The following CLSTN2 variants were observed in gnomAD, a reference collection of about 807,000 sequenced individuals.
CLSTN2 encodes the protein calsyntenin-2.
In CLSTN2, 48 loss-of-function variants were observed where a neutral mutation model predicts 101.2. The observed-to-expected ratio is 0.47, with a 90% CI of 0.38 to 0.60. The LOEUF (loss-of-function observed/expected upper bound fraction) is 0.60. CLSTN2 is among the 20% of genes least tolerant of loss of function. The probability of loss-of-function intolerance (pLI) is 0.00; values close to 1 mark genes in which losing one functional copy is unlikely to be tolerated. For synonymous variants in CLSTN2, 481 were observed against 463.6 expected, an observed-to-expected ratio of 1.04 and a Z score of -0.48; for missense variants, 1,160 against 1,238.2, an observed-to-expected ratio of 0.94 and a Z score of 0.95.
intron 1 of CLSTN2, among the ~76,000 whole-genome samples, chr3:140,084,591 T>G (rs1164735613): frequency 6.6e-6 from 1 of 152,218 alleles, no homozygotes; most frequent in Non-Finnish European, 1.5e-5. Flanking sequence ...GTTGCTGTTT[T>G]ATGGTTATTT....
chr3:140,487,392 A>G (rs139118550), intron 8 of CLSTN2, among the ~76,000 whole-genome samples: 170 of 152,336 alleles, frequency 1.1e-3, no homozygotes, highest in African/African-American at 3.8e-3. Context: ...ACAGCCCAAT[A>G]GAGGCTTTCC....
chr3:140,099,191 C>T (rs1024291012), intron 1 of CLSTN2, among the ~76,000 whole-genome samples: 3 of 152,278 alleles, frequency 2.0e-5, no homozygotes, highest in South Asian at 2.1e-4. Context: ...ACTATATTAG[C>T]TTCCTAGGAC....
chr3:140,388,669 C>T (rs369648764), intron 2 of CLSTN2, among the ~76,000 whole-genome samples: 1 of 152,220 alleles, frequency 6.6e-6, no homozygotes, highest in Non-Finnish European at 1.5e-5. Context: ...GTGCTTCAGT[C>T]TCCTTCTCTG....
chr3:140,266,367 G>T (rs761924479), intron 2 of CLSTN2, among the ~76,000 whole-genome samples: 21 of 152,168 alleles, frequency 1.4e-4, no homozygotes, highest in Non-Finnish European at 3.1e-4. Context: ...AAACTTGAAA[G>T]AATTCATATT....
chr3:140,057,722 A>C (rs1201968757), intron 1 of CLSTN2, among the ~76,000 whole-genome samples: 4 of 152,222 alleles, frequency 2.6e-5, no homozygotes, highest in Admixed American at 2.0e-4. Context: ...TTCTTAAAAT[A>C]TGCCACCTCC....
At chr3:140,465,653 A>G (rs1933679252) in intron 7 of CLSTN2, among the ~76,000 whole-genome samples, 1 of 152,236 alleles carries the variant, frequency 6.6e-6, no homozygotes, top group Non-Finnish European at 1.5e-5. Flanking sequence ...AATTGGTAGC[A>G]GTATTCCATT....
intron 2 of CLSTN2, among the ~76,000 whole-genome samples, chr3:140,218,226 G>C (rs1312323825): frequency 6.6e-6 from 1 of 152,066 alleles, no homozygotes; most frequent in Admixed American, 6.6e-5. Context: ...GAGAGATTCT[G>C]GTATTTAGAA....
At chr3:139,991,219 C>T (rs559302736) in intron 1 of CLSTN2, among the ~76,000 whole-genome samples, 8 of 152,118 alleles carry the variant, frequency 5.3e-5, no homozygotes, top group East Asian at 1.9e-4. Context: ...CTATTTTATA[C>T]GTGGCTAATT....
intron 1 of CLSTN2, among the ~76,000 whole-genome samples, chr3:140,046,168 A>C (rs1240915787): frequency 1.3e-5 from 2 of 152,132 alleles, no homozygotes; most frequent in Non-Finnish European, 2.9e-5. Context: ...GTAGGTCTCT[A>C]AGGACTTGCT....
At chr3:140,092,902 C>T (rs555673621) in intron 1 of CLSTN2, among the ~76,000 whole-genome samples, 1 of 152,178 alleles carries the variant, frequency 6.6e-6, no homozygotes, top group Non-Finnish European at 1.5e-5. Context: ...GTTCTCCTCG[C>T]TAAGCATGCT....
chr3:140,538,344 C>A (rs1016892632), intron 9 of CLSTN2, among the ~76,000 whole-genome samples: 11 of 152,164 alleles, frequency 7.2e-5, no homozygotes, highest in African/African-American at 2.4e-4. Context: ...ACAAATAAGG[C>A]AGCAGGATGT....
At chr3:140,302,162 T>A (rs2087066965) in intron 2 of CLSTN2, among the ~76,000 whole-genome samples, 3 of 152,180 alleles carry the variant, frequency 2.0e-5, no homozygotes, top group African/African-American at 7.2e-5. Context: ...TTGGTTGGGT[T>A]TTGCTAGTTT....
At chr3:139,984,600 C>T (rs1263862412) in intron 1 of CLSTN2, among the ~76,000 whole-genome samples, 4 of 152,154 alleles carry the variant, frequency 2.6e-5, no homozygotes, top group Non-Finnish European at 2.9e-5. Flanking sequence ...TTACCTCCCA[C>T]ACCACTCTGT....
intron 2 of CLSTN2, among the ~76,000 whole-genome samples, chr3:140,294,583 G>A (rs1247330457): frequency 1.4e-5 from 2 of 142,778 alleles, no homozygotes; most frequent in African/African-American, 5.2e-5. Flanking sequence ...TTTTTTGCCT[G>A]TTGGGAAACA....
Position 140,563,179 on chromosome 3 carries a change from C to T in CLSTN2, c.2458C>T (p.Arg820Trp), listed in dbSNP as rs148840334. ...FLQSVHHPES[R>W]SSIQHSSVVP... ...CCAGTCTGTCCATCATCCTGAGTCC[C>T]GGAGTAGCATCCAGCACAGTTCAGG... The change falls in exon 15 of 17, where the codon CGG becomes TGG. Residue 820 changes from arginine (R) to tryptophan (W), a missense_variant. Physicochemically the swap from Arg to Trp is moderately radical, Grantham distance 101 (BLOSUM62 -3). Transcript: ENST00000458420. The T allele has an allele frequency of 7.3e-5, 118 of 1,613,950 alleles. No individual in the cohort carries two copies. Among genetic ancestry groups the T allele is most frequent in the African/African-American group, 1.9e-4 (14 of 74,872 alleles).
intron 4 of CLSTN2, among the ~76,000 whole-genome samples, chr3:140,405,766 C>T (rs573048504): frequency 6.6e-6 from 1 of 152,334 alleles, no homozygotes; most frequent in South Asian, 2.1e-4. Context: ...AATTTCAACA[C>T]CTTCAACACC....
chr3:140,249,623 C>T (rs2107874419), intron 2 of CLSTN2, among the ~76,000 whole-genome samples: 1 of 152,246 alleles, frequency 6.6e-6, no homozygotes, highest in South Asian at 2.1e-4. Context: ...ATTATTATCT[C>T]CATTTTACAG....
At chr3:139,938,140 CA>C (rs66697366) in intron 1 of CLSTN2, among the ~76,000 whole-genome samples, 9,571 of 94,700 alleles carry the variant, frequency 0.1, 344 homozygotes, top group East Asian at 0.27. Context: ...ATTCCCATCA[CA>C]AAAAAAAAAA....
At chr3:140,005,180 T>C (rs2006928323) in intron 1 of CLSTN2, among the ~76,000 whole-genome samples, 1 of 152,182 alleles carries the variant, frequency 6.6e-6, no homozygotes, top group Non-Finnish European at 1.5e-5. Context: ...GCAGGGCAGC[T>C]CTGAGGAGGA....
Sources: gnomAD v4.1 joint callset for allele counts (sites outside exome capture counted in the v4.1 genomes callset) on GRCh38, gnomAD v4.1.1 for gene constraint, MANE v1.5 for transcripts, NCBI Gene and HGNC (gene_info 2026-07-23, HGNC 2026-07-21) for gene names.